Variants in GSAP observed in about 807,000 individuals in gnomAD.
The protein encoded by GSAP is gamma-secretase activating protein, also known as gamma-secretase-activating protein.
In GSAP, 118 loss-of-function variants were observed where a neutral mutation model predicts 131.7. The observed-to-expected ratio is 0.90, with a 90% confidence interval of 0.77 to 1.04. The LOEUF (loss-of-function observed/expected upper bound fraction) is 1.04, where lower values mean the gene tolerates loss of function less well. GSAP is among the 50% of genes least tolerant of loss of function. The pLI is 0.00. For missense variants in GSAP, 1,019 were observed against 1,013.2 expected (o/e 1.01, Z -0.08); for synonymous variants, 381 against 363.4 (o/e 1.05, Z -0.55).
At chr7:77,329,440 T>C in intron 20 of GSAP, 49 bp from the exon 21 acceptor site, 1 of 1,070,824 alleles carries the variant, frequency 9.3e-7, no homozygotes, top group Non-Finnish European at 1.4e-6. Flanking sequence ...GTTTTATCGG[T>C]GACTTTTCAC....
rs769333759 is a variant in GSAP at position 77,377,276 on chromosome 7, G to A, written c.681+10C>T. ...AAAAAAAAGGAGTGCCCGTGAACTA[G>A]TTTTTTTACCTTCAGGTCAATGTAA... On this transcript the variant is annotated intron_variant, in intron 9 of 30. Transcript: ENST00000257626. 9.3e-7 allele frequency: 1 copy of A among 1,069,886 alleles called. No homozygotes were observed. The highest frequency in any genetic ancestry group is 1.2e-6 in the Non-Finnish European group (1 of 800,630). The allele number at this position is 1,069,886 out of a possible 1,614,324, so 66.3% of individuals were successfully genotyped here.
chr7:77,346,478 T>C (rs549940775), intron 19 of GSAP, among the ~76,000 whole-genome samples: 4 of 150,510 alleles, frequency 2.7e-5, no homozygotes, highest in African/African-American at 9.8e-5. Flanking sequence ...GTTAGGAGGA[T>C]GGCTTTAGCT....
At chr7:77,371,073 T>G (rs1563052013) in intron 12 of GSAP, among the ~76,000 whole-genome samples, 1 of 152,116 alleles carries the variant, frequency 6.6e-6, no homozygotes, top group Non-Finnish European at 1.5e-5. Context: ...AGCTATAGTC[T>G]AAAAACTTCC....
At position 77,387,353 on chromosome 7, in the gene GSAP, T is replaced by C. The variant is rs766291808; in HGVS notation, c.456+7A>G. The C allele has an allele frequency of 3.5e-6, 5 of 1,430,938 alleles. No individual in the cohort carries two copies. The East Asian group carries it at 9.1e-5, about 26-fold the overall frequency. The allele number at this position is 1,430,938 out of a possible 1,614,324, so 88.6% of individuals were successfully genotyped here. A position where few individuals can be genotyped will look rare whatever the true frequency, so the allele number is the denominator to read the frequency against. On this transcript the variant is annotated splice_region_variant and intron_variant, in intron 6 of 30. Transcript: ENST00000257626. ...TGAGATAAGTGATAAATGGCATGCT[T>C]ACTTACCTGAACCCAAATATAGCTA...
intron 11 of GSAP, 54 bp from the exon 12 acceptor site, chr7:77,374,209 C>T (rs966901673): frequency 1.3e-5 from 11 of 877,838 alleles, no homozygotes; most frequent in Non-Finnish European, 2.1e-5. Flanking sequence ...TACATCCCTT[C>T]ATAAAGGATG....
At chr7:77,357,966 T>C (rs528657855) in intron 14 of GSAP, among the ~76,000 whole-genome samples, 2 of 152,366 alleles carry the variant, frequency 1.3e-5, no homozygotes, top group South Asian at 4.1e-4. Flanking sequence ...CCACAATGTA[T>C]ATAGGTATCA....
At chr7:77,359,013 C>T (rs767644073) in intron 14 of GSAP, among the ~76,000 whole-genome samples, 1 of 152,060 alleles carries the variant, frequency 6.6e-6, no homozygotes, top group Non-Finnish European at 1.5e-5. Context: ...GGTGAAACAT[C>T]GCCTCTACTG....
At chr7:77,411,057 G>A (rs1363499399) in intron 1 of GSAP, among the ~76,000 whole-genome samples, 3 of 124,030 alleles carry the variant, frequency 2.4e-5, no homozygotes, top group African/African-American at 6.4e-5. Flanking sequence ...AAGAATTAGC[G>A]GAAAAAAAAG....
Position 77,416,327 on chromosome 7 carries a change from G to A in GSAP, c.-6C>T. On this transcript the variant is annotated 5_prime_UTR_variant, in exon 1 of 31. Coordinates refer to ENST00000257626, the MANE Select transcript of GSAP (RefSeq NM_017439.4). ...GCGACCAGGCGAAGAGCCATCGCCC[G>A]GACACGACCACCGGGCGGCTCTGGG... The A allele has an allele frequency of 3.4e-6, 5 of 1,479,230 alleles. No homozygotes were observed. The highest frequency in any genetic ancestry group is 3.0e-5 in the East Asian group (1 of 33,604). 91.6% of individuals were successfully genotyped at this position (1,479,230 alleles called of 1,614,324 possible).
At chr7:77,375,695 T>TTA (rs1445903437) in intron 10 of GSAP, among the ~76,000 whole-genome samples, 3 of 151,962 alleles carry the variant, frequency 2.0e-5, no homozygotes, top group Non-Finnish European at 4.4e-5. Flanking sequence ...AATATAAAAA[T>TTA]TAGCTGGTCA....
intron 26 of GSAP, chr7:77,315,963 T>A (rs990969185): frequency 4.6e-5 from 7 of 152,120 alleles, no homozygotes; most frequent in Admixed American, 2.0e-4. Flanking sequence ...TAGACATTTT[T>A]AAAAATGTGA....
chr7:77,409,800 G>C (rs1057203818), intron 1 of GSAP, among the ~76,000 whole-genome samples: 1 of 152,148 alleles, frequency 6.6e-6, no homozygotes, highest in East Asian at 1.9e-4. Flanking sequence ...TTGCAAAAGC[G>C]TATCTATTTT....
At chr7:77,389,305 T>A (rs550128055) in intron 5 of GSAP, among the ~76,000 whole-genome samples, 49 of 149,444 alleles carry the variant, frequency 3.3e-4, no homozygotes, top group East Asian at 7.7e-4. Flanking sequence ...ATATATATAT[T>A]TTTTGTTTGT....
At chr7:77,330,802 G>A (rs1028651507) in intron 19 of GSAP, 12 of 984,258 alleles carry the variant, frequency 1.2e-5, no homozygotes, top group Middle Eastern at 5.2e-4. Flanking sequence ...TGGAGTAGGC[G>A]TACTTTCCTG....
At chr7:77,338,299 C>A (rs1431160286) in intron 19 of GSAP, among the ~76,000 whole-genome samples, 1 of 152,186 alleles carries the variant, frequency 6.6e-6, no homozygotes, top group African/African-American at 2.4e-5. Flanking sequence ...AGGAAGGATA[C>A]TCTTAATGAC....
At position 77,346,278 on chromosome 7, in the gene GSAP, A is replaced by AAAAAAAG. The variant is rs1301475521; in HGVS notation, c.1545+3072_1545+3073insCTTTTTT. On this transcript the variant is annotated intron_variant, in intron 19 of 30. Coordinates refer to ENST00000257626, the MANE Select transcript of GSAP (RefSeq NM_017439.4). Reference sequence around the variant, plus strand: ...AGAATGAGACTCCATCTCAAAAAAAAAAAAAAAAAAAAGAAAGAAAGAAAA... The same window carrying AAAAAAAG: ...AGAATGAGACTCCATCTCAAAAAAAAAAAAAAGAAAAAAAAAAAAGAAAGAAAGAAAA... Among the ~76,000 whole-genome samples, 23 of 150,222 alleles carry AAAAAAAG rather than the reference A, an allele frequency of 1.5e-4. 1 individual carries two copies. Among genetic ancestry groups the AAAAAAAG allele is most frequent in the Admixed American group, 5.3e-4 (8 of 15,078 alleles).
intron 19 of GSAP, among the ~76,000 whole-genome samples, chr7:77,343,550 T>A (rs1390125105): frequency 6.6e-6 from 1 of 152,208 alleles, no homozygotes; most frequent in Non-Finnish European, 1.5e-5. Flanking sequence ...AGTCATTCAC[T>A]GCAAAGGCCA....
At chr7:77,361,292 C>A (rs1251267657) in intron 13 of GSAP, among the ~76,000 whole-genome samples, 1 of 152,218 alleles carries the variant, frequency 6.6e-6, no homozygotes, top group Non-Finnish European at 1.5e-5. Flanking sequence ...CTCCAAATCA[C>A]TTACAAATCC....
chr7:77,376,966 T>G, intron 9 of GSAP, 59 bp from the exon 10 acceptor site: 1 of 937,526 alleles, frequency 1.1e-6, no homozygotes, highest in Non-Finnish European at 1.7e-6. Flanking sequence ...AAGGAAGCAG[T>G]CAAGAAGCAA....
Sources: allele counts gnomAD v4.1 joint callset (sites outside exome capture counted in the v4.1 genomes callset), GRCh38; gene constraint gnomAD v4.1.1; transcripts MANE v1.5; gene names NCBI Gene and HGNC (gene_info 2026-07-23, HGNC 2026-07-21).